DGKB: variants seen among roughly 807,000 people sequenced by gnomAD.
DGKB encodes the protein diacylglycerol kinase beta.
A neutral mutation model predicts 114.3 loss-of-function variants in DGKB; 67 were observed. That is an observed-to-expected ratio of 0.59 (90% CI 0.48 to 0.72). The LOEUF is 0.72. DGKB is among the 30% of genes least tolerant of loss of function. The probability of loss-of-function intolerance (pLI) is 0.00; values close to 1 mark genes in which losing one functional copy is unlikely to be tolerated. For synonymous variants in DGKB, 398 were observed against 323.1 expected, an observed-to-expected ratio of 1.23 and a Z score of -2.49; for missense variants, 907 against 975.2, an observed-to-expected ratio of 0.93 and a Z score of 0.93.
chr7:14,464,219 A>G (rs978848324), intron 21 of DGKB, among the ~76,000 whole-genome samples: 2 of 152,290 alleles, frequency 1.3e-5, no homozygotes, highest in East Asian at 3.9e-4. Context: ...AACAGCCAAA[A>G]TAATTAAAGT....
chr7:14,780,284 T>C (rs995836268), intron 2 of DGKB, among the ~76,000 whole-genome samples: 1 of 152,216 alleles, frequency 6.6e-6, no homozygotes. Context: ...AGGAAGGATA[T>C]AAATGTCTTT....
At chr7:14,955,627 G>A (rs963116620) in intron 1 of DGKB, among the ~76,000 whole-genome samples, 1 of 152,000 alleles carries the variant, frequency 6.6e-6, no homozygotes, top group Non-Finnish European at 1.5e-5. Flanking sequence ...CAAGATGCTG[G>A]AAGGAAAGAA....
intron 20 of DGKB, among the ~76,000 whole-genome samples, chr7:14,560,608 T>A (rs961197466): frequency 6.6e-6 from 1 of 152,198 alleles, no homozygotes; most frequent in Non-Finnish European, 1.5e-5. Flanking sequence ...CATTCATCTG[T>A]GGTTGAGCAG....
chr7:14,194,172 A>G (rs1584377093), intron 23 of DGKB, among the ~76,000 whole-genome samples: 1 of 152,156 alleles, frequency 6.6e-6, no homozygotes, highest in African/African-American at 2.4e-5. Flanking sequence ...TAGAATTAAC[A>G]TGTGATCTAG....
In DGKB at chr7:14,660,600, C is replaced by A. The variant is rs191886215; in HGVS notation, c.1134+12329G>T. On this transcript the variant is annotated intron_variant, in intron 13 of 25. Coordinates refer to ENST00000402815, the MANE Select transcript of DGKB (RefSeq NM_001350709.2). ...TCATTTTTATTGCGTCTATTTGATT[C>A]TTCTCTCTTTTTTTCTTTATTAGTC... Among the ~76,000 whole-genome samples, 15 of 152,002 alleles carry A rather than the reference C, an allele frequency of 9.9e-5. No homozygotes were observed. The East Asian group carries it at 2.5e-3, about 26-fold the overall frequency.
intron 22 of DGKB, among the ~76,000 whole-genome samples, chr7:14,340,148 T>G (rs945681581): frequency 6.9e-6 from 1 of 144,536 alleles, no homozygotes; most frequent in Non-Finnish European, 1.5e-5. Context: ...GAAACCAAGA[T>G]CTGGATGATG....
chr7:14,529,527 G>A (rs1791209946), intron 20 of DGKB, among the ~76,000 whole-genome samples: 1 of 151,618 alleles, frequency 6.6e-6, no homozygotes, highest in Non-Finnish European at 1.5e-5. Flanking sequence ...ATAAAGGTAT[G>A]GAACTCTAAA....
chr7:14,806,184 C>T (rs779971514), intron 2 of DGKB, among the ~76,000 whole-genome samples: 34 of 151,850 alleles, frequency 2.2e-4, no homozygotes, highest in Non-Finnish European at 4.6e-4. Flanking sequence ...AATTTGCAGT[C>T]TTCATGAAGA....
intron 20 of DGKB, among the ~76,000 whole-genome samples, chr7:14,506,767 ACTGCTGATATTCT>A (rs1787143764): frequency 6.6e-6 from 1 of 152,090 alleles, no homozygotes; most frequent in Admixed American, 6.5e-5. Flanking sequence ...AAGAACAATG[ACTGCTGATATTCT>A]CTGCTATGGC....
chr7:14,253,052 AG>A (rs1795463539), intron 23 of DGKB, among the ~76,000 whole-genome samples: 1 of 143,550 alleles, frequency 7.0e-6, no homozygotes. Context: ...TTTTTTTTTT[AG>A]AGGGGGAGTC....
intron 2 of DGKB, among the ~76,000 whole-genome samples, chr7:14,833,111 T>A (rs763724568): frequency 3.9e-5 from 6 of 152,086 alleles, no homozygotes; most frequent in Non-Finnish European, 8.8e-5. Flanking sequence ...TTCGGTTCAT[T>A]CTGCCTCTAG....
At chr7:14,910,345 A>C in intron 1 of DGKB, among the ~76,000 whole-genome samples, 1 of 144,322 alleles carries the variant, frequency 6.9e-6, no homozygotes, top group Non-Finnish European at 1.5e-5. Context: ...GGCAAAAAAC[A>C]AAACAAAACA....
At chr7:14,395,972 G>A (rs1822151606) in intron 21 of DGKB, among the ~76,000 whole-genome samples, 2 of 151,814 alleles carry the variant, frequency 1.3e-5, no homozygotes, top group South Asian at 4.1e-4. Flanking sequence ...TACATTTGAA[G>A]GACTGCTTTC....
intron 20 of DGKB, among the ~76,000 whole-genome samples, chr7:14,502,143 T>G (rs1256933370): frequency 1.3e-5 from 2 of 151,978 alleles, no homozygotes; most frequent in South Asian, 4.1e-4. Context: ...CAGAATGTGA[T>G]GAAAGTGACA....
intron 20 of DGKB, among the ~76,000 whole-genome samples, chr7:14,506,027 A>G (rs1420996230): frequency 6.6e-6 from 1 of 152,178 alleles, no homozygotes; most frequent in African/African-American, 2.4e-5. Context: ...TCATTGTTAA[A>G]TGTATACTCT....
At chr7:14,485,988 T>C (rs1014291498) in intron 20 of DGKB, among the ~76,000 whole-genome samples, 1 of 152,178 alleles carries the variant, frequency 6.6e-6, no homozygotes, top group Non-Finnish European at 1.5e-5. Flanking sequence ...TATTTGATAT[T>C]AGGTGATGGC....
chr7:14,433,610 C>T (rs929525279), intron 21 of DGKB, among the ~76,000 whole-genome samples: 3 of 152,118 alleles, frequency 2.0e-5, no homozygotes, highest in Non-Finnish European at 4.4e-5. Context: ...AAAGCAGTTA[C>T]TGTTTTGCAG....
chr7:14,941,320 G>T (rs1785560314), intron 1 of DGKB, among the ~76,000 whole-genome samples: 1 of 152,058 alleles, frequency 6.6e-6, no homozygotes, highest in African/African-American at 2.4e-5. Context: ...CAAACTGACA[G>T]CCTTATCCAC....
At position 14,656,751 on chromosome 7, in the gene DGKB, T is replaced by C. The variant is rs964677652; in HGVS notation, c.1134+16178A>G. ...ATATATACAGTATATATATAGGATA[T>C]ATACACACACACACACACACATATC... On this transcript the variant is annotated intron_variant, in intron 13 of 25. Transcript: ENST00000402815. Among the ~76,000 whole-genome samples, 529 of 127,706 alleles carry C rather than the reference T, an allele frequency of 4.1e-3. 4 individuals are homozygous for C. Among genetic ancestry groups the C allele is most frequent in the Non-Finnish European group, 6.1e-3 (393 of 64,378 alleles). 83.8% of individuals were successfully genotyped at this position (127,706 alleles called of 152,430 possible).
Sources: gnomAD v4.1 joint callset for allele counts (sites outside exome capture counted in the v4.1 genomes callset) on GRCh38, gnomAD v4.1.1 for gene constraint, MANE v1.5 for transcripts, NCBI Gene and HGNC (gene_info 2026-07-23, HGNC 2026-07-21) for gene names.